The following PEX3 variants were observed in gnomAD, a reference collection of about 807,000 sequenced individuals.
PEX3 encodes the protein peroxin-3.
Under a neutral mutation model 55.8 loss-of-function variants are expected in PEX3, and 30 were observed. The observed-to-expected ratio is 0.54, with a 90% CI of 0.40 to 0.73. The LOEUF is 0.73. Ranked by LOEUF, PEX3 falls within the 30% of genes least tolerant of loss-of-function variation. The pLI is 0.00. For synonymous variants in PEX3, 135 were observed against 148.4 expected (o/e 0.91, Z 0.66); for missense variants, 351 against 432.8 (o/e 0.81, Z 1.68).
chr6:143,477,572 A>T (rs553967593), intron 9 of PEX3, among the ~76,000 whole-genome samples: 2 of 152,258 alleles, frequency 1.3e-5, no homozygotes, highest in South Asian at 4.1e-4. Flanking sequence ...GGGTGGGACA[A>T]GTATGTGGAA....
chr6:143,484,254 T>G (rs925753496), intron 10 of PEX3, among the ~76,000 whole-genome samples: 1 of 152,120 alleles, frequency 6.6e-6, no homozygotes, highest in Non-Finnish European at 1.5e-5. Context: ...CAAATGTTTA[T>G]TGTGCTCTAA....
intron 10 of PEX3, among the ~76,000 whole-genome samples, chr6:143,481,075 G>C (rs1780233166): frequency 6.7e-6 from 1 of 148,512 alleles, no homozygotes; most frequent in Non-Finnish European, 1.5e-5. Flanking sequence ...TTATTTACGT[G>C]TATTATAATT....
intron 2 of PEX3, among the ~76,000 whole-genome samples, chr6:143,461,398 A>G (rs1363704368): frequency 1.3e-5 from 2 of 152,238 alleles, no homozygotes; most frequent in Non-Finnish European, 2.9e-5. Context: ...ATAGCTGACT[A>G]TAGGCAATTA....
chr6:143,487,571 T>C lies in PEX3; in HGVS notation c.1039-1572T>C, dbSNP rs186136826. ...TAACTCAAAACCAAAGCACTTTTAT[T>C]GTCAAGTAGAATCTAAATTACAAAA... On this transcript the variant is annotated intron_variant, in intron 11 of 11. Transcript: ENST00000367591. The surrounding 1 kb of genome is among the most constrained non-coding windows in gnomAD (Gnocchi z 5.3). Among the ~76,000 whole-genome samples the C allele has an allele frequency of 3.3e-5, 5 of 152,258 alleles. No homozygotes were observed. Among genetic ancestry groups the C allele is most frequent in the Admixed American group, 1.3e-4 (2 of 15,274 alleles).
chr6:143,467,781 T>C (rs1473830264), intron 3 of PEX3, among the ~76,000 whole-genome samples: 1 of 152,140 alleles, frequency 6.6e-6, no homozygotes, highest in African/African-American at 2.4e-5. Context: ...ACTTCATATT[T>C]ACCTTTGAAG....
intron 3 of PEX3, among the ~76,000 whole-genome samples, chr6:143,467,096 A>G (rs551633438): frequency 1.2e-3 from 185 of 152,170 alleles, no homozygotes; most frequent in African/African-American, 4.3e-3. Flanking sequence ...CCTTAGTAGG[A>G]TATATACTCT....
rs753827484 is a variant in PEX3, at chr6:143,489,119, A to C, written c.1039-24A>C. On this transcript the variant is annotated intron_variant, in intron 11 of 11. Transcript: ENST00000367591. This position sits in a 1 kb window ranked among gnomAD's most constrained non-coding sequence, Gnocchi z 5.5. Reference sequence around the variant, plus strand: ...TTAGCTATATGTTTTGCAAACTATAATGTTATATTATCATCTTTGCTAGGA... The same window carrying C: ...TTAGCTATATGTTTTGCAAACTATACTGTTATATTATCATCTTTGCTAGGA... The C allele has an allele frequency of 2.0e-6, 3 of 1,480,936 alleles. No homozygotes were observed. In the Admixed American group the frequency reaches 5.0e-5, roughly 25 times the overall value. The allele number at this position is 1,480,936 out of a possible 1,614,324, so 91.7% of individuals were successfully genotyped here. A position where few individuals can be genotyped will look rare whatever the true frequency, so the allele number is the denominator to read the frequency against.
Position 143,479,071 on chromosome 6 carries a change from T to C in PEX3, c.819-5T>C. On this transcript the variant is annotated splice_region_variant and splice_polypyrimidine_tract_variant and intron_variant, in intron 9 of 11. Transcript: ENST00000367591. The surrounding 1 kb of genome is among the most constrained non-coding windows in gnomAD (Gnocchi z 4.6). ...AAAGTAACTTATACTTCTTACTTTA[T>C]ATAGCCCAGATTTTAGTACAGTTTT... is the stretch of plus-strand genomic sequence containing the variant. 1.3e-6 allele frequency: 2 copies of C among 1,547,810 alleles called. No homozygotes were observed. Among genetic ancestry groups the C allele is most frequent in the South Asian group, 1.1e-5 (1 of 89,612 alleles).
chr6:143,485,582 G>A lies in PEX3; in HGVS notation c.1038+334G>A, dbSNP rs1384525901. Among the ~76,000 whole-genome samples, 1 of 152,008 alleles carries A rather than the reference G, an allele frequency of 6.6e-6. No homozygotes were observed. Among genetic ancestry groups the A allele is most frequent in the Admixed American group, 6.6e-5 (1 of 15,236 alleles). Reference sequence around the variant, plus strand: ...AAGATTGATCCTTGGGGCAGATCAAGGATCCTGTTCTACACATTTTGAGGA... The same window carrying A: ...AAGATTGATCCTTGGGGCAGATCAAAGATCCTGTTCTACACATTTTGAGGA... On this transcript the variant is annotated intron_variant, in intron 11 of 11. Transcript: ENST00000367591. The surrounding 1 kb of genome is among the most constrained non-coding windows in gnomAD (Gnocchi z 5.6).
At position 143,487,998 on chromosome 6, in the gene PEX3, A is replaced by G. The variant is rs139084290; in HGVS notation, c.1039-1145A>G. 1.2e-3 allele frequency among the ~76,000 whole-genome samples: 182 copies of G among 152,066 alleles called. No individual in the cohort carries two copies. The highest frequency in any genetic ancestry group is 4.2e-3 in the African/African-American group (174 of 41,520). On this transcript the variant is annotated intron_variant, in intron 11 of 11. Coordinates refer to ENST00000367591, the MANE Select transcript of PEX3 (RefSeq NM_003630.3). This position sits in a 1 kb window ranked among gnomAD's most constrained non-coding sequence, Gnocchi z 5.3. ...ATTTTCATAGAAATCAAAACACAAAATTTCCCCTCAAATTCTTGGGCCCCT... is the reference window on the plus strand; with the variant it reads ...ATTTTCATAGAAATCAAAACACAAAGTTTCCCCTCAAATTCTTGGGCCCCT...
intron 8 of PEX3, 112 bp downstream of exon 8, chr6:143,472,440 A>G (rs548082048): frequency 1.7e-5 from 13 of 760,448 alleles, no homozygotes; most frequent in Non-Finnish European, 2.7e-5. Context: ...TGAAAAGCAT[A>G]TATTTCAGTA....
Position 143,471,929 on chromosome 6 carries a change from C to A in PEX3, c.579-231C>A, listed in dbSNP as rs1780079775. 6.6e-6 allele frequency among the ~76,000 whole-genome samples: 1 copy of A among 152,096 alleles called. No homozygotes were observed. The highest frequency in any genetic ancestry group is 1.5e-5 in the Non-Finnish European group (1 of 67,992). ...TACCTCCCATTTATACTAGTAATAT[C>A]TATAATTACAGTAGGAATTCTCTTA... On this transcript the variant is annotated intron_variant, in intron 7 of 11. Transcript: ENST00000367591. This position sits in a 1 kb window ranked among gnomAD's most constrained non-coding sequence, Gnocchi z 5.4.
rs1346949339 is a variant in PEX3, at chr6:143,462,435, T to C, written c.206-481T>C. Among the ~76,000 whole-genome samples the C allele has an allele frequency of 6.6e-6, 1 of 152,208 alleles. No homozygotes were observed. Among genetic ancestry groups the C allele is most frequent in the Non-Finnish European group, 1.5e-5 (1 of 68,032 alleles). On this transcript the variant is annotated intron_variant, in intron 2 of 11. Coordinates refer to ENST00000367591, the MANE Select transcript of PEX3 (RefSeq NM_003630.3). This position sits in a 1 kb window ranked among gnomAD's most constrained non-coding sequence, Gnocchi z 4.1. Reference sequence around the variant, plus strand: ...GCACTTTTGTCTAGGTTATAATAAATGTTTATTACTTTGTAGTATTTAATA... The same window carrying C: ...GCACTTTTGTCTAGGTTATAATAAACGTTTATTACTTTGTAGTATTTAATA...
Position 143,462,054 on chromosome 6 carries a change from T to C in PEX3, c.206-862T>C, listed in dbSNP as rs957460732. Among the ~76,000 whole-genome samples, 12 of 152,260 alleles carry C rather than the reference T, an allele frequency of 7.9e-5. No homozygotes were observed. Among genetic ancestry groups the C allele is most frequent in the Non-Finnish European group, 1.2e-4 (8 of 68,040 alleles). ...ATTTTTATATGTGTATTCCTCCATT[T>C]CTTTTTTTCTCTAATCCCATGACAG... On this transcript the variant is annotated intron_variant, in intron 2 of 11. Transcript: ENST00000367591. This position sits in a 1 kb window ranked among gnomAD's most constrained non-coding sequence, Gnocchi z 4.1.
intron 9 of PEX3, among the ~76,000 whole-genome samples, chr6:143,477,197 A>G (rs1295552929): frequency 6.6e-6 from 1 of 152,182 alleles, no homozygotes; most frequent in African/African-American, 2.4e-5. Context: ...CAACTGTTGC[A>G]ACATTTTGCT....
chr6:143,457,494 G>T (rs761858261), intron 1 of PEX3, among the ~76,000 whole-genome samples: 1 of 152,068 alleles, frequency 6.6e-6, no homozygotes, highest in Non-Finnish European at 1.5e-5. Flanking sequence ...TTCACCTATA[G>T]CACCTGTATT....
In PEX3 at chr6:143,471,949, C is replaced by A. The variant is rs572712677; in HGVS notation, c.579-211C>A. Among the ~76,000 whole-genome samples, 2 of 152,240 alleles carry A rather than the reference C, an allele frequency of 1.3e-5. No individual in the cohort carries two copies. The highest frequency in any genetic ancestry group is 4.1e-4 in the South Asian group (2 of 4,822). ...AATATCTATAATTACAGTAGGAATT[C>A]TCTTATGGAATCCAGAGAAATACTT... On this transcript the variant is annotated intron_variant, in intron 7 of 11. Transcript: ENST00000367591. The surrounding 1 kb of genome is among the most constrained non-coding windows in gnomAD (Gnocchi z 5.4).
chr6:143,457,455 A>G (rs917938442), intron 1 of PEX3, among the ~76,000 whole-genome samples: 5 of 152,208 alleles, frequency 3.3e-5, no homozygotes, highest in East Asian at 3.8e-4. Context: ...CTGAACTACT[A>G]TTTTTAAGAA....
intron 10 of PEX3, among the ~76,000 whole-genome samples, chr6:143,481,148 TTATA>T (rs72384031): frequency 4.0e-4 from 58 of 146,348 alleles, no homozygotes; most frequent in African/African-American, 1.1e-3. Flanking sequence ...AGGCTTTAAT[TTATA>T]TATATATATA....
Sources: allele counts gnomAD v4.1 joint callset (sites outside exome capture counted in the v4.1 genomes callset), GRCh38; gene constraint gnomAD v4.1.1; non-coding constraint Gnocchi (gnomAD v3.1); transcripts MANE v1.5; gene names NCBI Gene and HGNC (gene_info 2026-07-23, HGNC 2026-07-21).